KDM2B: variants seen among roughly 807,000 people sequenced by gnomAD.
The protein encoded by KDM2B is lysine-specific demethylase 2B.
A neutral mutation model predicts 150.0 loss-of-function variants in KDM2B; 26 were observed. The ratio of observed to expected loss-of-function variants is 0.17; its 90% CI spans 0.13 to 0.24. The LOEUF (loss-of-function observed/expected upper bound fraction) is 0.24. Among genes scored for constraint, KDM2B ranks in the 10% least tolerant of loss-of-function variants. The pLI is 1.00. For synonymous variants in KDM2B, 734 were observed against 729.5 expected (o/e 1.01, Z -0.10); for missense variants, 1,265 against 1,816.9 (o/e 0.70, Z 5.52).
At position 121,468,837 on chromosome 12, in the gene KDM2B, A is replaced by C. The variant is rs1880410890; in HGVS notation, c.1735-15493T>G. On this transcript the variant is annotated intron_variant, in intron 12 of 22. Coordinates refer to ENST00000377071, the MANE Select transcript of KDM2B (RefSeq NM_032590.5). This position sits in a 1 kb window ranked among gnomAD's most constrained non-coding sequence, Gnocchi z 4.0. Reference sequence around the variant, plus strand: ...TTTAAAGTCTGAAATTTACACACCCACTATAGAAAAAATCCCAGTCGACTT... The same window carrying C: ...TTTAAAGTCTGAAATTTACACACCCCCTATAGAAAAAATCCCAGTCGACTT... The C allele has an allele frequency of 6.6e-6, 1 of 152,176 alleles. No homozygotes were observed. The highest frequency in any genetic ancestry group is 2.1e-4 in the South Asian group (1 of 4,832). The allele number at this position is 152,176 out of a possible 1,614,324, so 9.4% of individuals were successfully genotyped here.
At chr12:121,562,368 C>G (rs1191786227) in intron 4 of KDM2B, among the ~76,000 whole-genome samples, 4 of 152,006 alleles carry the variant, frequency 2.6e-5, no homozygotes, top group Admixed American at 2.6e-4. Context: ...CCTGTAATCC[C>G]AGCTACTCAG....
intron 4 of KDM2B, among the ~76,000 whole-genome samples, chr12:121,551,645 G>A (rs1006070571): frequency 7.2e-5 from 11 of 152,038 alleles, no homozygotes; most frequent in Non-Finnish European, 1.2e-4. Flanking sequence ...CTCCACCTGC[G>A]GGGTTCAAGT....
At chr12:121,507,344 A>T (rs1256764323) in intron 11 of KDM2B, among the ~76,000 whole-genome samples, 1 of 152,200 alleles carries the variant, frequency 6.6e-6, no homozygotes, top group Non-Finnish European at 1.5e-5. Context: ...AGCCTGGGCG[A>T]CAGAGCAAGA....
At chr12:121,572,113 G>A (rs952407295) in intron 4 of KDM2B, among the ~76,000 whole-genome samples, 2 of 152,148 alleles carry the variant, frequency 1.3e-5, no homozygotes, top group Non-Finnish European at 2.9e-5. Context: ...TGGGCGGATC[G>A]CTTAGGCCCA....
chr12:121,519,046 G>A (rs1275033263), intron 9 of KDM2B, among the ~76,000 whole-genome samples: 3 of 152,092 alleles, frequency 2.0e-5, no homozygotes, highest in Non-Finnish European at 2.9e-5. Flanking sequence ...TCCACAAAAC[G>A]ATGGTCTCCC....
chr12:121,423,279 G>A, the KDM2B span: 2 of 777,516 alleles, frequency 2.6e-6, no homozygotes, highest in Non-Finnish European at 2.1e-6. The surrounding 1 kb of genome is among the most constrained non-coding windows in gnomAD (Gnocchi z 4.3). Context: ...GTGGCATTGG[G>A]CCTGCAGGGG....
At chr12:121,433,946 A>T (rs1873501185) in intron 22 of KDM2B, among the ~76,000 whole-genome samples, 1 of 152,106 alleles carries the variant, frequency 6.6e-6, no homozygotes, top group Non-Finnish European at 1.5e-5. Flanking sequence ...TGGGAGGCTG[A>T]GGTGGGTGGA....
rs528905903 is a variant in KDM2B at position 121,572,733 on chromosome 12, C to T, written c.397+1814G>A. ...AGTGAAGTGATGCAATCATGGCCTG[C>T]GGGCGTGAACTCCTGGGCTCAAGTG... On this transcript the variant is annotated intron_variant, in intron 4 of 22. Coordinates refer to ENST00000377071, the MANE Select transcript of KDM2B (RefSeq NM_032590.5). Among the ~76,000 whole-genome samples the T allele has an allele frequency of 2.6e-5, 4 of 152,110 alleles. No individual in the cohort carries two copies. In the South Asian group the frequency reaches 6.2e-4, roughly 24 times the overall value.
chr12:121,503,932 G>C (rs1884826519), intron 11 of KDM2B, among the ~76,000 whole-genome samples: 1 of 152,226 alleles, frequency 6.6e-6, no homozygotes, highest in Admixed American at 6.5e-5. Context: ...TGAACAGAAA[G>C]GCGGACTGGC....
At chr12:121,456,142 T>C (rs563902267) in intron 12 of KDM2B, among the ~76,000 whole-genome samples, 4 of 152,364 alleles carry the variant, frequency 2.6e-5, no homozygotes, top group African/African-American at 9.6e-5. Context: ...GGAACCAGCA[T>C]GATGCGTGGA....
intron 1 of KDM2B, chr12:121,580,046 C>A: frequency 6.2e-7 from 1 of 1,604,962 alleles, no homozygotes; most frequent in Non-Finnish European, 8.5e-7. Context: ...TCTTTCTCTG[C>A]CTCCATTTTT....
the KDM2B span, among the ~76,000 whole-genome samples, chr12:121,411,285 T>A: frequency 1.1e-4 from 17 of 152,292 alleles, no homozygotes; most frequent in Admixed American, 1.0e-3. Flanking sequence ...CTTCATTTTC[T>A]TTCTGGGGAA....
At chr12:121,433,228 T>C in intron 22 of KDM2B, 1 of 456,688 alleles carries the variant, frequency 2.2e-6, no homozygotes, top group South Asian at 1.5e-5. Flanking sequence ...AAGACTTTCT[T>C]TGGTCCCTCT....
intron 6 of KDM2B, among the ~76,000 whole-genome samples, chr12:121,547,128 GCGAGGCACAGC>G (rs1420477206): frequency 6.6e-6 from 1 of 152,096 alleles, no homozygotes; most frequent in Non-Finnish European, 1.5e-5. Flanking sequence ...AGGCCCCTAC[GCGAGGCACAGC>G]ACTTTCTCCA....
intron 6 of KDM2B, among the ~76,000 whole-genome samples, chr12:121,539,326 C>CAAAAAAAAAAA (rs60048517): frequency 5.1e-5 from 3 of 58,616 alleles, no homozygotes; most frequent in Non-Finnish European, 8.9e-5. Context: ...GACCCTCTCC[C>CAAAAAAAAAAA]AAAAAAAAAA....
At chr12:121,451,039 C>G (rs1877177714) in intron 13 of KDM2B, among the ~76,000 whole-genome samples, 2 of 152,092 alleles carry the variant, frequency 1.3e-5, no homozygotes, top group Admixed American at 6.6e-5. Context: ...CAGGATTGAA[C>G]TGTGTGGGTC....
intron 22 of KDM2B, among the ~76,000 whole-genome samples, chr12:121,435,266 G>A (rs1873799687): frequency 6.6e-6 from 1 of 152,180 alleles, no homozygotes; most frequent in Admixed American, 6.5e-5. Flanking sequence ...AAATGGCTAA[G>A]GTGGTCCATT....
At chr12:121,535,532 C>T (rs1888020836) in intron 6 of KDM2B, among the ~76,000 whole-genome samples, 2 of 152,202 alleles carry the variant, frequency 1.3e-5, no homozygotes, top group Admixed American at 1.3e-4. Flanking sequence ...TTGAATTGTA[C>T]ACTTTTACAT....
chr12:121,453,106 G>A lies in KDM2B; in HGVS notation c.1959+14C>T, dbSNP rs1172459729. On this transcript the variant is annotated intron_variant, in intron 13 of 22. Coordinates refer to ENST00000377071, the MANE Select transcript of KDM2B (RefSeq NM_032590.5). The surrounding 1 kb of genome is among the most constrained non-coding windows in gnomAD (Gnocchi z 6.4). ...CCTGAATCGAGCGCAGGGCTGGGCG[G>A]GGGCCGCACTCACCGCGATGCACTG... 4.4e-6 allele frequency: 7 copies of A among 1,594,354 alleles called. No individual in the cohort carries two copies. In the African/African-American group the frequency reaches 9.4e-5, roughly 21 times the overall value.
Sources: gnomAD v4.1 joint callset for allele counts (sites outside exome capture counted in the v4.1 genomes callset) on GRCh38, gnomAD v4.1.1 for gene constraint, Gnocchi (gnomAD v3.1) non-coding constraint, MANE v1.5 for transcripts, NCBI Gene and HGNC (gene_info 2026-07-23, HGNC 2026-07-21) for gene names.